Variants in LRRIQ3 observed in about 807,000 individuals in gnomAD.
LRRIQ3 encodes the protein leucine rich repeats and IQ motif containing 3.
Under a neutral mutation model 59.3 loss-of-function variants are expected in LRRIQ3, and 75 were observed. The ratio of observed to expected loss-of-function variants is 1.26; its 90% confidence interval spans 1.05 to 1.53. The LOEUF (loss-of-function observed/expected upper bound fraction) is 1.53. Ranked by LOEUF, LRRIQ3 falls within the 40% of genes most tolerant of loss-of-function variation. LRRIQ3 has a pLI of 0.00. For synonymous variants in LRRIQ3, 250 were observed against 231.3 expected (o/e 1.08, Z -0.73); for missense variants, 831 against 710.0 (o/e 1.17, Z -1.94).
At chr1:74,195,677 G>A (rs1651069510) in intron 1 of LRRIQ3, among the ~76,000 whole-genome samples, 1 of 152,122 alleles carries the variant, frequency 6.6e-6, no homozygotes, top group South Asian at 2.1e-4. Flanking sequence ...AGTCTAGTAT[G>A]TTCAACATCT....
At chr1:74,111,628 A>C (rs1281047615) in intron 4 of LRRIQ3, among the ~76,000 whole-genome samples, 1 of 152,044 alleles carries the variant, frequency 6.6e-6, no homozygotes, top group Non-Finnish European at 1.5e-5. Context: ...TTTTTAAGTT[A>C]TATATCTCTG....
Position 74,182,641 on chromosome 1 carries a change from TG to T in LRRIQ3, c.469del (p.His157MetfsTer2), listed in dbSNP as rs539296399. 12 of 1,611,002 alleles carry T rather than the reference TG, an allele frequency of 7.4e-6. No individual in the cohort carries two copies. The highest frequency in any genetic ancestry group is 1.0e-5 in the Non-Finnish European group (12 of 1,178,096). ...AATTATTTCTTCATCAGAAATCACATGATGATCCAGCGCTTTGAGAGGCCAT... is the reference window on the plus strand; with the variant it reads ...AATTATTTCTTCATCAGAAATCACATATGATCCAGCGCTTTGAGAGGCCAT... ...SIWPLKALDH[H>X]VISDEEIIQN... On this transcript the variant is annotated frameshift_variant, in exon 3 of 8. Coordinates refer to ENST00000354431, the MANE Select transcript of LRRIQ3 (RefSeq NM_001105659.2). LOFTEE classifies it high-confidence loss of function.
chr1:74,183,364 A>C, intron 2 of LRRIQ3, 72 bp downstream of exon 2: 1 of 1,270,610 alleles, frequency 7.9e-7, no homozygotes, highest in Non-Finnish European at 1.1e-6. Context: ...TACTGTGGAT[A>C]GGTAACATAA....
chr1:74,084,326 C>A, intron 5 of LRRIQ3: 1 of 1,120,840 alleles, frequency 8.9e-7, no homozygotes, highest in Non-Finnish European at 1.2e-6. Context: ...GCCTGGAGGA[C>A]AGTGAGCTCA....
chr1:74,108,062 G>T (rs991975377), intron 5 of LRRIQ3, among the ~76,000 whole-genome samples: 4 of 151,468 alleles, frequency 2.6e-5, no homozygotes, highest in Admixed American at 6.6e-5. Flanking sequence ...TATTTTATTT[G>T]ATTTCATGCA....
Position 74,109,380 on chromosome 1 carries a change from C to A in LRRIQ3, c.867+14G>T. The A allele has an allele frequency of 7.0e-7, 1 of 1,422,990 alleles. No homozygotes were observed. Among genetic ancestry groups the A allele is most frequent in the Non-Finnish European group, 9.6e-7 (1 of 1,043,166 alleles). 88.1% of individuals were successfully genotyped at this position (1,422,990 alleles called of 1,614,324 possible). ...ATACATTTCAAATAAAAATAATAAA[C>A]TAATTATACTTACATGTTTCCAATA... On this transcript the variant is annotated intron_variant, in intron 5 of 7. Transcript: ENST00000354431.
chr1:74,143,802 T>C (rs921276218), intron 4 of LRRIQ3, among the ~76,000 whole-genome samples: 1 of 151,588 alleles, frequency 6.6e-6, no homozygotes, highest in Non-Finnish European at 1.5e-5. Flanking sequence ...GTAACTACTC[T>C]TGGCATATTA....
At chr1:74,154,700 T>C (rs1325277151) in intron 4 of LRRIQ3, among the ~76,000 whole-genome samples, 1 of 152,228 alleles carries the variant, frequency 6.6e-6, no homozygotes, top group Non-Finnish European at 1.5e-5. Flanking sequence ...TAAATTCCAA[T>C]GCAAAATAAA....
chr1:74,131,743 A>G (rs1214002248), intron 4 of LRRIQ3, among the ~76,000 whole-genome samples: 1 of 152,186 alleles, frequency 6.6e-6, no homozygotes, highest in African/African-American at 2.4e-5. Flanking sequence ...ATAAAGAGCT[A>G]TTTATGACAA....
At chr1:74,044,688 G>T (rs1308704455) in intron 6 of LRRIQ3, among the ~76,000 whole-genome samples, 1 of 151,912 alleles carries the variant, frequency 6.6e-6, no homozygotes, top group Non-Finnish European at 1.5e-5. Flanking sequence ...CTGGATTTTT[G>T]AAAACATCAA....
chr1:74,051,669 C>CCCA (rs1654374172), intron 6 of LRRIQ3, among the ~76,000 whole-genome samples: 1 of 152,110 alleles, frequency 6.6e-6, no homozygotes, highest in South Asian at 2.1e-4. Context: ...TACCATCTCC[C>CCCA]CCACCTTAAG....
intron 4 of LRRIQ3, chr1:74,144,573 CA>C (rs776019009): frequency 5.8e-5 from 13 of 224,086 alleles, no homozygotes; most frequent in Non-Finnish European, 9.0e-5. Flanking sequence ...AAAAAAGCAG[CA>C]AAAAAAACCA....
chr1:74,148,903 C>T (rs1009180383), intron 4 of LRRIQ3, among the ~76,000 whole-genome samples: 4 of 152,098 alleles, frequency 2.6e-5, no homozygotes, highest in African/African-American at 9.7e-5. Context: ...ACACAATTGG[C>T]TTATAATAGG....
At chr1:74,080,817 C>T (rs372907019) in intron 5 of LRRIQ3, among the ~76,000 whole-genome samples, 2 of 151,512 alleles carry the variant, frequency 1.3e-5, no homozygotes, top group South Asian at 4.2e-4. Context: ...AAAGCCTTCA[C>T]CTTAGGGGGA....
At chr1:74,119,376 AT>A (rs1281811128) in intron 4 of LRRIQ3, among the ~76,000 whole-genome samples, 3 of 151,676 alleles carry the variant, frequency 2.0e-5, no homozygotes, top group African/African-American at 4.8e-5. Context: ...TCCTTTGTCC[AT>A]TTTTTTCTGA....
chr1:74,117,989 G>A (rs1193490355), intron 4 of LRRIQ3, among the ~76,000 whole-genome samples: 1 of 151,048 alleles, frequency 6.6e-6, no homozygotes, highest in East Asian at 2.0e-4. Context: ...ACCAAGAAGG[G>A]AGAATTTACC....
chr1:74,102,499 G>A (rs1646550703), intron 5 of LRRIQ3, among the ~76,000 whole-genome samples: 1 of 151,958 alleles, frequency 6.6e-6, no homozygotes, highest in Non-Finnish European at 1.5e-5. Flanking sequence ...TGAAAAAGTT[G>A]AAACTCCTTT....
rs1014880002 is a variant in LRRIQ3, at chr1:74,182,612, T to A, written c.499A>T (p.Asn167Tyr). ...TTGAATCTTTCAGGAAGATGCCAGT[T>A]CTGAATTATTTCTTCATCAGAAATC... ...HVISDEEIIQ[N>Y]WHLPERFKAC... Residue 167 changes from asparagine to tyrosine, a missense_variant, in exon 3 of 8, where the codon AAC (asparagine) becomes TAC (tyrosine). Physicochemically the swap from Asn to Tyr is moderately radical, Grantham distance 143. Coordinates refer to ENST00000354431, the MANE Select transcript of LRRIQ3 (RefSeq NM_001105659.2). 6.2e-7 allele frequency: 1 copy of A among 1,608,632 alleles called. No homozygotes were observed. The highest frequency in any genetic ancestry group is 1.7e-5 in the Admixed American group (1 of 59,190).
At chr1:74,060,473 T>A (rs532007792) in intron 6 of LRRIQ3, among the ~76,000 whole-genome samples, 3 of 151,992 alleles carry the variant, frequency 2.0e-5, no homozygotes, top group Non-Finnish European at 4.4e-5. Flanking sequence ...TTAATACAGG[T>A]GCTTACAGAT....
Sources: gnomAD v4.1 joint callset for allele counts (sites outside exome capture counted in the v4.1 genomes callset) on GRCh38, gnomAD v4.1.1 for gene constraint, MANE v1.5 for transcripts, NCBI Gene and HGNC (gene_info 2026-07-23, HGNC 2026-07-21) for gene names.